The following NFXL1 variants were observed in gnomAD, a reference collection of about 807,000 sequenced individuals.
The protein encoded by NFXL1 is nuclear transcription factor, X-box binding like 1, also known as NF-X1-type zinc finger protein NFXL1.
Under a neutral mutation model 123.3 loss-of-function variants are expected in NFXL1, and 66 were observed. That is an observed-to-expected ratio of 0.54 (90% CI 0.44 to 0.66). The LOEUF (loss-of-function observed/expected upper bound fraction) is 0.66. Ranked by LOEUF, NFXL1 falls within the 30% of genes least tolerant of loss-of-function variation. The pLI is 0.00. For missense variants in NFXL1, 944 were observed against 1,125.6 expected, an observed-to-expected ratio of 0.84 and a Z score of 2.31; for synonymous variants, 346 against 360.8, an observed-to-expected ratio of 0.96 and a Z score of 0.46.
intron 10 of NFXL1, among the ~76,000 whole-genome samples, chr4:47,895,486 T>A (rs1008063101): frequency 2.0e-5 from 3 of 152,222 alleles, no homozygotes; most frequent in African/African-American, 7.2e-5. Flanking sequence ...AGCTTCTACA[T>A]CAACACTTGC....
At chr4:47,875,701 C>T (rs1735706179) in intron 17 of NFXL1, among the ~76,000 whole-genome samples, 1 of 152,128 alleles carries the variant, frequency 6.6e-6, no homozygotes, top group Non-Finnish European at 1.5e-5. Context: ...GAAATCAATA[C>T]ACTGTTAACA....
In NFXL1 at chr4:47,898,943, G is replaced by A; in HGVS notation, c.988+16C>T. On this transcript the variant is annotated intron_variant, in intron 7 of 22. Coordinates refer to ENST00000507489, the MANE Select transcript of NFXL1 (RefSeq NM_001278624.2). ...TTGCTTAAAGTCAGAAAAATCTAATGGGTATGGCCTTTTACCTGCATGACA... is the reference window on the plus strand; with the variant it reads ...TTGCTTAAAGTCAGAAAAATCTAATAGGTATGGCCTTTTACCTGCATGACA... 2 of 1,613,348 alleles carry A rather than the reference G, an allele frequency of 1.2e-6. No individual in the cohort carries two copies. The highest frequency in any genetic ancestry group is 1.1e-5 in the South Asian group (1 of 91,068).
At chr4:47,887,121 T>C (rs933794271) in intron 12 of NFXL1, among the ~76,000 whole-genome samples, 3 of 152,224 alleles carry the variant, frequency 2.0e-5, no homozygotes, top group African/African-American at 7.2e-5. Context: ...AAGAAATCTT[T>C]AAAGCAGGCT....
chr4:47,868,235 C>T (rs1029645577), intron 18 of NFXL1, among the ~76,000 whole-genome samples: 5 of 151,344 alleles, frequency 3.3e-5, no homozygotes, highest in African/African-American at 9.7e-5. Flanking sequence ...AGGAAAATGG[C>T]GTGAACTCGG....
At chr4:47,848,374 C>A (rs1319658635) in intron 22 of NFXL1, 38 bp from the exon 23 acceptor site, 2 of 1,429,322 alleles carry the variant, frequency 1.4e-6, no homozygotes, top group Non-Finnish European at 1.9e-6. Flanking sequence ...AAATTCAATG[C>A]ATACATTGAT....
chr4:47,848,256 T>C lies in NFXL1; in HGVS notation c.2643A>G (p.Leu881=), dbSNP rs1320085739. The change falls in exon 23 of 23, where the codon CTA becomes CTG. Residue 881 remains leucine (L), a synonymous_variant. Transcript: ENST00000507489. ...NRKRDEVAVE[L]SLWQKHKYYL... ...AATATTTATGTTTTTGCCATAGTGA[T>C]AGCTCAACTGCCACTTCATCTCTTT... The C allele has an allele frequency of 5.6e-6, 9 of 1,612,974 alleles. No individual in the cohort carries two copies. The South Asian group carries it at 7.7e-5, about 14-fold the overall frequency.
chr4:47,862,182 C>T (rs1734806034), intron 19 of NFXL1, among the ~76,000 whole-genome samples: 1 of 152,070 alleles, frequency 6.6e-6, no homozygotes, highest in Non-Finnish European at 1.5e-5. Flanking sequence ...GTTTCTTTAC[C>T]TTTTTACTTT....
At chr4:47,911,430 G>A (rs867235600) in intron 2 of NFXL1, among the ~76,000 whole-genome samples, 1 of 152,142 alleles carries the variant, frequency 6.6e-6, no homozygotes, top group African/African-American at 2.4e-5. Context: ...TCAAACTACC[G>A]TCTTCTGAAC....
chr4:47,902,857 C>T (rs529695156), intron 5 of NFXL1, among the ~76,000 whole-genome samples: 2 of 152,302 alleles, frequency 1.3e-5, no homozygotes, highest in South Asian at 2.1e-4. Context: ...ATTTATTCTA[C>T]AATTTAATAA....
At chr4:47,852,598 G>T (rs1734185533) in intron 20 of NFXL1, among the ~76,000 whole-genome samples, 1 of 151,822 alleles carries the variant, frequency 6.6e-6, no homozygotes, top group African/African-American at 2.4e-5. Context: ...GCTTATGTTG[G>T]CACTTCACTA....
intron 10 of NFXL1, among the ~76,000 whole-genome samples, chr4:47,896,113 C>A (rs1196321698): frequency 6.6e-6 from 1 of 151,992 alleles, no homozygotes; most frequent in Non-Finnish European, 1.5e-5. Context: ...TTTGTGGCAC[C>A]CCCAAACAAT....
intron 16 of NFXL1, 133 bp from the exon 17 acceptor site, chr4:47,878,798 A>T (rs1168210788): frequency 1.7e-6 from 1 of 605,322 alleles, no homozygotes; most frequent in African/African-American, 1.9e-5. Flanking sequence ...GAATAATAAT[A>T]ATATCAAAAT....
chr4:47,906,429 T>A (rs540805010), intron 3 of NFXL1, among the ~76,000 whole-genome samples: 3 of 152,254 alleles, frequency 2.0e-5, no homozygotes, highest in Admixed American at 2.0e-4. Context: ...TCTAAAATCA[T>A]CTGAGTAAAC....
intron 8 of NFXL1, 52 bp downstream of exon 8, chr4:47,898,705 T>C: frequency 1.7e-6 from 2 of 1,209,840 alleles, no homozygotes; most frequent in Admixed American, 1.7e-5. Flanking sequence ...CTAGGTTGTC[T>C]ATGCTTTCTG....
chr4:47,880,807 T>TAAAAAAAAAAAAAAAAAAAAAAG, intron 15 of NFXL1, among the ~76,000 whole-genome samples: 1 of 78,834 alleles, frequency 1.3e-5, no homozygotes, highest in Non-Finnish European at 2.5e-5. Flanking sequence ...AATTAATGAG[T>TAAAAAAAAAAAAAAAAAAAAAAG]AAAAAAAAAA....
intron 5 of NFXL1, among the ~76,000 whole-genome samples, chr4:47,901,051 T>C (rs769672858): frequency 2.0e-5 from 3 of 152,172 alleles, no homozygotes; most frequent in East Asian, 1.9e-4. Flanking sequence ...CCCATCAGCA[T>C]TGAAACTGAA....
At chr4:47,874,012 T>C (rs1480972340) in intron 18 of NFXL1, among the ~76,000 whole-genome samples, 2 of 152,236 alleles carry the variant, frequency 1.3e-5, no homozygotes, top group Non-Finnish European at 2.9e-5. Context: ...AACCAACCTA[T>C]GCTGCCTTCA....
chr4:47,869,857 A>G (rs534752410), intron 18 of NFXL1, among the ~76,000 whole-genome samples: 1 of 152,228 alleles, frequency 6.6e-6, no homozygotes, highest in African/African-American at 2.4e-5. Flanking sequence ...AAAATATTCA[A>G]AATAAGAATG....
chr4:47,893,702 G>GA (rs900476216), intron 11 of NFXL1, among the ~76,000 whole-genome samples: 71 of 134,796 alleles, frequency 5.3e-4, no homozygotes, highest in South Asian at 5.2e-3. Context: ...CTTCAGAATA[G>GA]AAAAAAAAAA....
Sources: allele counts gnomAD v4.1 joint callset (sites outside exome capture counted in the v4.1 genomes callset), GRCh38; gene constraint gnomAD v4.1.1; transcripts MANE v1.5; gene names NCBI Gene and HGNC (gene_info 2026-07-23, HGNC 2026-07-21).